Variants in TMPRSS11D observed in about 807,000 individuals in gnomAD.
TMPRSS11D encodes transmembrane protease serine 11D.
A neutral mutation model predicts 44.4 loss-of-function variants in TMPRSS11D; 32 were observed. That is an observed-to-expected ratio of 0.72 (90% CI 0.54 to 0.97). The LOEUF (loss-of-function observed/expected upper bound fraction) is 0.97, where lower values mean the gene tolerates loss of function less well. Among genes scored for constraint, TMPRSS11D ranks in the 50% least tolerant of loss-of-function variants. The pLI is 0.00. For missense variants in TMPRSS11D, 446 were observed against 502.6 expected, an observed-to-expected ratio of 0.89 and a Z score of 1.08; for synonymous variants, 179 against 177.9, an observed-to-expected ratio of 1.01 and a Z score of -0.05.
At chr4:67,827,084 G>A (rs771787340) in intron 8 of TMPRSS11D, among the ~76,000 whole-genome samples, 177 bp downstream of exon 8, 1 of 152,052 alleles carries the variant, frequency 6.6e-6, no homozygotes, top group Non-Finnish European at 1.5e-5. Context: ...CTGGAGCATT[G>A]CTTTGCTTTG....
chr4:67,870,802 A>C (rs1334591119), intron 1 of TMPRSS11D, among the ~76,000 whole-genome samples: 2 of 113,052 alleles, frequency 1.8e-5, no homozygotes, highest in African/African-American at 3.6e-5. Flanking sequence ...TAATAGAGCG[A>C]GACCCTGTCT....
chr4:67,856,247 A>G (rs1257890932), intron 2 of TMPRSS11D, among the ~76,000 whole-genome samples: 1 of 152,218 alleles, frequency 6.6e-6, no homozygotes, highest in Non-Finnish European at 1.5e-5. Context: ...CTCCAAGGCT[A>G]TAGTAGCCAA....
chr4:67,844,011 T>G (rs528923146), intron 3 of TMPRSS11D, among the ~76,000 whole-genome samples: 17 of 152,340 alleles, frequency 1.1e-4, no homozygotes, highest in African/African-American at 3.8e-4. Flanking sequence ...AGGATGTTTC[T>G]CCTGAGGCAT....
chr4:67,827,196 A>T (rs2109657765), intron 8 of TMPRSS11D, 65 bp downstream of exon 8: 2 of 1,524,012 alleles, frequency 1.3e-6, no homozygotes, highest in South Asian at 1.3e-5. Flanking sequence ...TTCCTAATTT[A>T]AAAAATTACC....
intron 8 of TMPRSS11D, among the ~76,000 whole-genome samples, chr4:67,826,779 G>A (rs953122785): frequency 5.4e-5 from 8 of 148,974 alleles, no homozygotes; most frequent in African/African-American, 2.0e-4. Flanking sequence ...AAAAAAAGCT[G>A]GGTATGGTGG....
intron 1 of TMPRSS11D, among the ~76,000 whole-genome samples, chr4:67,874,328 A>G (rs1719132024): frequency 6.6e-6 from 1 of 152,054 alleles, no homozygotes; most frequent in South Asian, 2.1e-4. Flanking sequence ...GGACTAAATC[A>G]GTGAGGGATT....
chr4:67,877,483 T>C (rs1295591847), intron 1 of TMPRSS11D, among the ~76,000 whole-genome samples: 1 of 152,222 alleles, frequency 6.6e-6, no homozygotes, highest in Non-Finnish European at 1.5e-5. Flanking sequence ...CTGAGAAACA[T>C]TGATCTGTAC....
chr4:67,859,603 C>G lies in TMPRSS11D; in HGVS notation c.84G>C (p.Val28=), dbSNP rs745584019. 6.2e-7 allele frequency: 1 copy of G among 1,613,264 alleles called. No individual in the cohort carries two copies. Among genetic ancestry groups the G allele is most frequent in the Non-Finnish European group, 8.5e-7 (1 of 1,179,416 alleles). ...GTAGAGCTATGGTGACTGCCAGGAT[C>G]ACTACCCCTGCGACGACAATGAAAC... ...VVCFIVVAGV[V]ILAVTIALLV... is the part of the protein sequence containing the mutation. The change falls in exon 2 of 10, where the codon GTG becomes GTC. Residue 28 remains valine (V), a synonymous_variant. Coordinates refer to ENST00000283916, the MANE Select transcript of TMPRSS11D (RefSeq NM_004262.3).
At chr4:67,875,691 C>T (rs1160856978) in intron 1 of TMPRSS11D, among the ~76,000 whole-genome samples, 1 of 152,200 alleles carries the variant, frequency 6.6e-6, no homozygotes, top group African/African-American at 2.4e-5. Context: ...TGGGAAGTCA[C>T]CTAACTCCTC....
chr4:67,824,992 T>G (rs1381334144), intron 9 of TMPRSS11D, among the ~76,000 whole-genome samples: 2 of 152,154 alleles, frequency 1.3e-5, no homozygotes, highest in African/African-American at 4.8e-5. Flanking sequence ...AAATTTGATT[T>G]TAATCACTTT....
At chr4:67,851,030 A>G (rs1411211728) in intron 3 of TMPRSS11D, among the ~76,000 whole-genome samples, 1 of 152,144 alleles carries the variant, frequency 6.6e-6, no homozygotes, top group Non-Finnish European at 1.5e-5. Context: ...GCCTTTGACT[A>G]CCTGCCCAGG....
At chr4:67,829,479 C>A (rs1717892210) in intron 7 of TMPRSS11D, among the ~76,000 whole-genome samples, 1 of 148,956 alleles carries the variant, frequency 6.7e-6, no homozygotes, top group Non-Finnish European at 1.5e-5. Flanking sequence ...CCTTTATGAC[C>A]TAGGAATGGG....
At chr4:67,858,203 C>A (rs1718702876) in intron 2 of TMPRSS11D, among the ~76,000 whole-genome samples, 1 of 152,082 alleles carries the variant, frequency 6.6e-6, no homozygotes, top group South Asian at 2.1e-4. Context: ...CAGACAAATA[C>A]CTTGGTAAGG....
At chr4:67,857,932 C>G (rs896994082) in intron 2 of TMPRSS11D, among the ~76,000 whole-genome samples, 1 of 152,036 alleles carries the variant, frequency 6.6e-6, no homozygotes, top group Non-Finnish European at 1.5e-5. Context: ...CTGGCTTGAT[C>G]ATTACACATT....
Position 67,859,684 on chromosome 4 carries a change from A to AAG in TMPRSS11D, c.9-8_9-7dup, listed in dbSNP as rs775939916. The AAG allele has an allele frequency of 5.6e-6, 9 of 1,611,936 alleles. No homozygotes were observed. Among genetic ancestry groups the AAG allele is most frequent in the East Asian group, 4.5e-5 (2 of 44,848 alleles). ...TCGAAGTTACACGTGCTGGCCTTAC[A>AAG]AGAGAGAGAGATCAAAGAAAGTCAT... On this transcript the variant is annotated splice_polypyrimidine_tract_variant and splice_region_variant and intron_variant, in intron 1 of 9. Transcript: ENST00000283916.
chr4:67,873,876 CTT>C (rs1304111750), intron 1 of TMPRSS11D, among the ~76,000 whole-genome samples: 3 of 152,082 alleles, frequency 2.0e-5, no homozygotes, highest in Non-Finnish European at 4.4e-5. Context: ...AGGCAATCCT[CTT>C]TGCTATAGGA....
intron 1 of TMPRSS11D, among the ~76,000 whole-genome samples, chr4:67,863,396 A>G (rs1718842522): frequency 1.3e-5 from 2 of 151,524 alleles, no homozygotes. Context: ...CCATTGGACT[A>G]TAGTGTTTGA....
In TMPRSS11D at chr4:67,822,477, C is replaced by T; in HGVS notation, c.1117G>A (p.Val373Ile). The change falls in exon 10 of 10, where the codon GTA becomes ATA. Residue 373 changes from valine (V) to isoleucine (I), a missense_variant. Physicochemically the swap from Val to Ile is conservative, Grantham distance 29. Coordinates refer to ENST00000283916, the MANE Select transcript of TMPRSS11D (RefSeq NM_004262.3). ...ACQGDSGGPLVQEDSRRLWFI... is the reference protein window; with the variant it reads ...ACQGDSGGPLIQEDSRRLWFI... ...CAAAGCCGCCGTGAGTCTTCTTGTA[C>T]TAGTGGGCCACCAGAGTCACCCTGT... 1 of 1,613,890 alleles carries T rather than the reference C, an allele frequency of 6.2e-7. No individual in the cohort carries two copies. Among genetic ancestry groups the T allele is most frequent in the South Asian group, 1.1e-5 (1 of 91,062 alleles).
chr4:67,822,616 C>A, intron 9 of TMPRSS11D, 118 bp from the exon 10 acceptor site: 1 of 1,143,620 alleles, frequency 8.7e-7, no homozygotes, highest in Non-Finnish European at 1.2e-6. Context: ...TAAAGTCAGC[C>A]TATTTCCTTT....
Sources: allele counts gnomAD v4.1 joint callset (sites outside exome capture counted in the v4.1 genomes callset), GRCh38; gene constraint gnomAD v4.1.1; transcripts MANE v1.5; gene names NCBI Gene and HGNC (gene_info 2026-07-23, HGNC 2026-07-21).